The following CD163L1 variants were observed in gnomAD, a reference collection of about 807,000 sequenced individuals.
CD163L1 encodes the protein scavenger receptor cysteine-rich type 1 protein M160.
CD163L1 carries 124 observed loss-of-function variants against 165.4 expected under a neutral mutation model. That is an observed-to-expected ratio of 0.75 (90% confidence interval 0.65 to 0.87). The LOEUF is 0.87. CD163L1 is among the 40% of genes least tolerant of loss of function. CD163L1 has a pLI of 0.00. For synonymous variants in CD163L1, 585 were observed against 662.2 expected, an observed-to-expected ratio of 0.88 and a Z score of 1.79; for missense variants, 1,525 against 1,799.9, an observed-to-expected ratio of 0.85 and a Z score of 2.76.
intron 19 of CD163L1, among the ~76,000 whole-genome samples, chr12:7,355,732 C>T (rs1002386681): frequency 2.6e-5 from 4 of 152,002 alleles, no homozygotes; most frequent in African/African-American, 9.7e-5. Context: ...AGCCCTAATC[C>T]AGTATGACTG....
chr12:7,320,905 C>G, the CD163L1 span: 1 of 988,864 alleles, frequency 1.0e-6, no homozygotes, highest in African/African-American at 1.6e-5. Flanking sequence ...CTTTCTCAGT[C>G]TTACCACCAC....
chr12:7,334,670 G>A, the CD163L1 span, among the ~76,000 whole-genome samples: 2 of 152,120 alleles, frequency 1.3e-5, no homozygotes, highest in African/African-American at 4.8e-5. Context: ...GAAATAAAGG[G>A]CATTCAATTA....
In CD163L1 at chr12:7,368,529, C is replaced by CT. The variant is rs56678924; in HGVS notation, c.4073-333dup. On this transcript the variant is annotated intron_variant, in intron 16 of 19. Coordinates refer to ENST00000313599, the MANE Select transcript of CD163L1 (RefSeq NM_174941.6). This position sits in a 1 kb window ranked among gnomAD's most constrained non-coding sequence, Gnocchi z 4.3. ...AGGGCTTGAGCTGAGCTGTTTCTTT[C>CT]TTTTTTTTTTTTTTTTGAGATGGAG... Among the ~76,000 whole-genome samples, 13,560 of 137,186 alleles carry CT rather than the reference C, an allele frequency of 0.099. 893 individuals carry two copies. Among genetic ancestry groups the CT allele is most frequent in the African/African-American group, 0.19 (7,252 of 37,468 alleles). The allele number at this position is 137,186 out of a possible 152,430, so 90.0% of individuals were successfully genotyped here. A position where few individuals can be genotyped will look rare whatever the true frequency, so the allele number is the denominator to read the frequency against.
the CD163L1 span, chr12:7,324,692 A>G: frequency 5.2e-6 from 7 of 1,333,640 alleles, no homozygotes; most frequent in African/African-American, 7.3e-5. Flanking sequence ...AGGTCAATCT[A>G]TTAATTCTCG....
intron 8 of CD163L1, among the ~76,000 whole-genome samples, chr12:7,389,703 G>C (rs759919649): frequency 6.6e-6 from 1 of 151,952 alleles, no homozygotes; most frequent in Non-Finnish European, 1.5e-5. Context: ...ATGCTTGAGG[G>C]GATGGAAACC....
At chr12:7,351,977 T>C (rs979187156), downstream of CD163L1, among the ~76,000 whole-genome samples, 1 of 152,120 alleles carries the variant, frequency 6.6e-6, no homozygotes. Context: ...TTAATTTATA[T>C]TGAATAAAGG....
In CD163L1 at chr12:7,361,334, G is replaced by T. The variant is rs1490925892; in HGVS notation, c.4280-3848C>A. On this transcript the variant is annotated intron_variant, in intron 18 of 19. Coordinates refer to ENST00000313599, the MANE Select transcript of CD163L1 (RefSeq NM_174941.6). ...GTGGCTTCTTTTTCTATTTTCTCTG[G>T]CAAGAAAATAAATGGGTTATCTCAC... 2.0e-5 allele frequency among the ~76,000 whole-genome samples: 3 copies of T among 151,750 alleles called. No individual in the cohort carries two copies. The East Asian group carries it at 5.8e-4, about 29-fold the overall frequency.
chr12:7,377,631 C>T (rs1391621029), intron 9 of CD163L1, among the ~76,000 whole-genome samples: 1 of 152,100 alleles, frequency 6.6e-6, no homozygotes, highest in Non-Finnish European at 1.5e-5. Flanking sequence ...TAAATTTATT[C>T]ATGACTTCTC....
Position 7,368,910 on chromosome 12 carries a change from C to A in CD163L1, c.4072+23G>T, listed in dbSNP as rs770181475. On this transcript the variant is annotated intron_variant, in intron 16 of 19. Coordinates refer to ENST00000313599, the MANE Select transcript of CD163L1 (RefSeq NM_174941.6). This position sits in a 1 kb window ranked among gnomAD's most constrained non-coding sequence, Gnocchi z 4.3. Reference sequence around the variant, plus strand: ...ATGTAGCCTTAGGTATTTGTGTCAGCACTGATAGGCAGAAGACTATACCTG... The same window carrying A: ...ATGTAGCCTTAGGTATTTGTGTCAGAACTGATAGGCAGAAGACTATACCTG... 2 of 1,612,638 alleles carry A rather than the reference C, an allele frequency of 1.2e-6. No homozygotes were observed. The highest frequency in any genetic ancestry group is 1.7e-6 in the Non-Finnish European group (2 of 1,179,040).
Position 7,398,503 on chromosome 12 carries a change from C to G in CD163L1, c.1490G>C (p.Trp497Ser). Residue 497 changes from tryptophan to serine, a missense_variant, in exon 7 of 20, where the codon TGG (tryptophan) becomes TCG (serine). Physicochemically the swap from Trp to Ser is radical, Grantham distance 177. Coordinates refer to ENST00000313599, the MANE Select transcript of CD163L1 (RefSeq NM_174941.6). This position sits in a 1 kb window ranked among gnomAD's most constrained non-coding sequence, Gnocchi z 4.5. ...GRLEVKYQGE[W>S]GTVCHDRWST... ...CCATCTGTCATGACACACAGTCCCC[C>G]ACTCTCCTTGGTATTTCACCTCCAA... 1 of 1,613,854 alleles carries G rather than the reference C, an allele frequency of 6.2e-7. No individual in the cohort carries two copies. The highest frequency in any genetic ancestry group is 1.1e-5 in the South Asian group (1 of 91,056).
In CD163L1 at chr12:7,373,601, T is replaced by G; in HGVS notation, c.3449A>C (p.Glu1150Ala). The G allele has an allele frequency of 6.2e-7, 1 of 1,611,478 alleles. No homozygotes were observed. Among genetic ancestry groups the G allele is most frequent in the South Asian group, 1.1e-5 (1 of 90,922 alleles). Reference sequence around the variant, plus strand: ...GACTTCCAATCTCCCAGCACAGCTCTCTGTTTCAGTTTCACTGTAGAGCCT... The same window carrying G: ...GACTTCCAATCTCCCAGCACAGCTCGCTGTTTCAGTTTCACTGTAGAGCCT... ...ALRLYSETET[E>A]SCAGRLEVFY... The change falls in exon 14 of 20, where the codon GAG becomes GCG. Residue 1150 changes from glutamate to alanine, a missense_variant. Coordinates refer to ENST00000313599, the MANE Select transcript of CD163L1 (RefSeq NM_174941.6).
the CD163L1 span, among the ~76,000 whole-genome samples, chr12:7,337,474 AG>A: frequency 6.6e-6 from 1 of 152,198 alleles, no homozygotes; most frequent in African/African-American, 2.4e-5. Flanking sequence ...AGTTTATGAG[AG>A]AAACACAAAC....
In CD163L1 at chr12:7,421,720, C is replaced by T. The variant is rs114947347; in HGVS notation, c.766+10696G>A. On this transcript the variant is annotated intron_variant, in intron 4 of 19. Coordinates refer to ENST00000313599, the MANE Select transcript of CD163L1 (RefSeq NM_174941.6). ...ATGTATGTGTACATAAATACATATA[C>T]GTATATATGTATATATGTGTGTGTG... Among the ~76,000 whole-genome samples, 868 of 128,162 alleles carry T rather than the reference C, an allele frequency of 6.8e-3. 9 individuals are homozygous for T. The highest frequency in any genetic ancestry group is 0.023 in the African/African-American group (829 of 35,622). 84.1% of individuals were successfully genotyped at this position (128,162 alleles called of 152,430 possible).
the CD163L1 span, among the ~76,000 whole-genome samples, chr12:7,335,857 A>G: frequency 1.3e-5 from 2 of 152,212 alleles, no homozygotes; most frequent in African/African-American, 4.8e-5. Flanking sequence ...GGATATGAAC[A>G]GACACTTCTC....
chr12:7,331,536 T>C, the CD163L1 span, among the ~76,000 whole-genome samples: 1 of 152,110 alleles, frequency 6.6e-6, no homozygotes, highest in Admixed American at 6.5e-5. Context: ...CACCCCCCAG[T>C]AGGGGCGGAC....
the CD163L1 span, among the ~76,000 whole-genome samples, chr12:7,331,027 C>T: frequency 6.6e-6 from 1 of 152,222 alleles, no homozygotes; most frequent in Non-Finnish European, 1.5e-5. Context: ...AGGGAAGTCT[C>T]TTTCCTAGTG....
rs1947768978 is a variant in CD163L1, at chr12:7,396,170, G to GT, written c.1974_1975insA (p.Leu659ThrfsTer12). 1 of 1,613,996 alleles carries GT rather than the reference G, an allele frequency of 6.2e-7. No homozygotes were observed. Among genetic ancestry groups the GT allele is most frequent in the African/African-American group, 1.3e-5 (1 of 74,916 alleles). ...CACCCACTGTTCCTGCATGACCAGA[G>GT]ATCTGACTCATCTCCATCACAGGAA... is the stretch of plus-strand genomic sequence containing the variant. On this transcript the variant is annotated frameshift_variant, in exon 8 of 20. Coordinates refer to ENST00000313599, the MANE Select transcript of CD163L1 (RefSeq NM_174941.6). LOFTEE classifies it high-confidence loss of function.
chr12:7,408,484 T>A (rs1052359347), intron 4 of CD163L1, among the ~76,000 whole-genome samples: 1 of 152,164 alleles, frequency 6.6e-6, no homozygotes, highest in Non-Finnish European at 1.5e-5. Context: ...TATCGATACA[T>A]ATCAGTTGTA....
chr12:7,396,255 G>A lies in CD163L1; in HGVS notation c.1890C>T (p.Ile630=), dbSNP rs267603676. Residue 630 remains isoleucine, a synonymous_variant, in exon 8 of 20, where the codon ATC becomes ATT. Coordinates refer to ENST00000313599, the MANE Select transcript of CD163L1 (RefSeq NM_174941.6). Reference sequence around the variant, plus strand: ...AAGCGTTTCCCAGACCCATGCCAATGATAGAAGATGGGCAGTCCAGCTGGC... The same window carrying A: ...AAGCGTTTCCCAGACCCATGCCAATAATAGAAGATGGGCAGTCCAGCTGGC... The part of the protein sequence containing the change: ...VCSQLDCPSS[I]IGMGLGNAST... 1 of 1,614,160 alleles carries A rather than the reference G, an allele frequency of 6.2e-7. No homozygotes were observed. The highest frequency in any genetic ancestry group is 8.5e-7 in the Non-Finnish European group (1 of 1,180,038).
Sources: gnomAD v4.1 joint callset for allele counts (sites outside exome capture counted in the v4.1 genomes callset) on GRCh38, gnomAD v4.1.1 for gene constraint, Gnocchi (gnomAD v3.1) non-coding constraint, MANE v1.5 for transcripts, NCBI Gene and HGNC (gene_info 2026-07-23, HGNC 2026-07-21) for gene names.